Variants in ROR2 observed in about 807,000 individuals in gnomAD.
ROR2 encodes ROR family WNT receptor 2, also known as tyrosine-protein kinase transmembrane receptor ROR2.
Under a neutral mutation model 74.9 loss-of-function variants are expected in ROR2, and 33 were observed. That is an observed-to-expected ratio of 0.44 (90% CI 0.33 to 0.59). The LOEUF (loss-of-function observed/expected upper bound fraction) is 0.59. Among genes scored for constraint, ROR2 ranks in the 20% least tolerant of loss-of-function variants. ROR2 has a pLI of 0.02. For missense variants in ROR2, 1,216 were observed against 1,313.8 expected, an observed-to-expected ratio of 0.93 and a Z score of 1.15; for synonymous variants, 586 against 558.7, an observed-to-expected ratio of 1.05 and a Z score of -0.69.
At chr9:91,760,958 T>C (rs1825896281) in intron 2 of ROR2, among the ~76,000 whole-genome samples, 1 of 152,226 alleles carries the variant, frequency 6.6e-6, no homozygotes, top group Non-Finnish European at 1.5e-5. Context: ...ATTATTTCTG[T>C]CTAAATGACT....
intron 1 of ROR2, among the ~76,000 whole-genome samples, chr9:91,818,145 G>A (rs1241310140): frequency 1.3e-5 from 2 of 152,164 alleles, no homozygotes; most frequent in African/African-American, 2.4e-5. Context: ...CAGCCTCAAA[G>A]TTTGACTTCT....
chr9:91,750,320 C>A (rs890687736), intron 4 of ROR2, among the ~76,000 whole-genome samples: 1 of 152,200 alleles, frequency 6.6e-6, no homozygotes, highest in Non-Finnish European at 1.5e-5. Context: ...AGCCACTGTT[C>A]CCAGGGAAAA....
chr9:91,766,863 T>C (rs1826072653), intron 2 of ROR2, among the ~76,000 whole-genome samples: 2 of 152,166 alleles, frequency 1.3e-5, no homozygotes, highest in African/African-American at 4.8e-5. Flanking sequence ...TCCCTTTTAA[T>C]TGAACCAAAA....
rs899711661 is a variant in ROR2 at position 91,723,282 on chromosome 9, C to T, written c.*380G>A. 4.9e-6 allele frequency: 1 copy of T among 205,690 alleles called. No individual in the cohort carries two copies. 12.7% of individuals were successfully genotyped at this position (205,690 alleles called of 1,614,324 possible). A position where few individuals can be genotyped will look rare whatever the true frequency, so the allele number is the denominator to read the frequency against. ...GCCTCCTCGCTGCCTTTTGCAGGCC[C>T]TTATTCCCAACGTTTTGAAATATTC... On this transcript the variant is annotated 3_prime_UTR_variant, in exon 9 of 9. Coordinates refer to ENST00000375708, the MANE Select transcript of ROR2 (RefSeq NM_004560.4).
At chr9:91,833,103 C>CA (rs1262460337) in intron 1 of ROR2, among the ~76,000 whole-genome samples, 3 of 152,152 alleles carry the variant, frequency 2.0e-5, no homozygotes, top group Admixed American at 6.5e-5. Flanking sequence ...GGCTGAGAGA[C>CA]AAAACACCCA....
At chr9:91,910,953 C>T (rs1171989695) in intron 1 of ROR2, among the ~76,000 whole-genome samples, 3 of 152,168 alleles carry the variant, frequency 2.0e-5, no homozygotes, top group South Asian at 2.1e-4. Flanking sequence ...CGTTAGCCAC[C>T]GCGCCCAGCC....
intron 1 of ROR2, among the ~76,000 whole-genome samples, chr9:91,831,385 G>A (rs1406432241): frequency 6.6e-6 from 1 of 152,144 alleles, no homozygotes; most frequent in Non-Finnish European, 1.5e-5. Flanking sequence ...TATCTTCTTG[G>A]AAGGGACCAG....
chr9:91,817,544 C>T (rs1587747856), intron 1 of ROR2, among the ~76,000 whole-genome samples: 1 of 152,196 alleles, frequency 6.6e-6, no homozygotes, highest in South Asian at 2.1e-4. Context: ...CACCTGTGCA[C>T]GTCTCCTCCG....
chr9:91,785,630 G>A (rs975570964), intron 1 of ROR2, among the ~76,000 whole-genome samples: 1 of 152,214 alleles, frequency 6.6e-6, no homozygotes, highest in Non-Finnish European at 1.5e-5. Context: ...TGAAGGCTGG[G>A]GCCAGGACTC....
chr9:91,752,219 G>C (rs2118820015), intron 4 of ROR2, among the ~76,000 whole-genome samples: 1 of 152,308 alleles, frequency 6.6e-6, no homozygotes, highest in South Asian at 2.1e-4. Flanking sequence ...CTATAATGCA[G>C]CAATTCTACG....
chr9:91,900,882 A>G (rs1830661334), intron 1 of ROR2, among the ~76,000 whole-genome samples: 1 of 152,280 alleles, frequency 6.6e-6, no homozygotes, highest in African/African-American at 2.4e-5. Context: ...TTAATTAAAA[A>G]GAGCAACTAG....
At chr9:91,827,709 C>T (rs911890010) in intron 1 of ROR2, among the ~76,000 whole-genome samples, 2 of 152,180 alleles carry the variant, frequency 1.3e-5, no homozygotes, top group African/African-American at 2.4e-5. Context: ...ATGTACAGAT[C>T]GATCAGCAGT....
At chr9:91,855,673 T>C (rs1829258169) in intron 1 of ROR2, among the ~76,000 whole-genome samples, 1 of 152,192 alleles carries the variant, frequency 6.6e-6, no homozygotes, top group African/African-American at 2.4e-5. Context: ...CTTCCTCCTC[T>C]GGCTGCTGGT....
chr9:91,790,224 G>A (rs987550504), intron 1 of ROR2, among the ~76,000 whole-genome samples: 3 of 151,960 alleles, frequency 2.0e-5, no homozygotes, highest in South Asian at 2.1e-4. Context: ...AGCACAGGCC[G>A]GGCACAGTGG....
At chr9:91,803,808 A>C (rs1354306884) in intron 1 of ROR2, among the ~76,000 whole-genome samples, 1 of 152,218 alleles carries the variant, frequency 6.6e-6, no homozygotes, top group Non-Finnish European at 1.5e-5. Context: ...CCGACAGCTT[A>C]TACTTTCCAG....
chr9:91,866,890 A>G (rs1337712325), intron 1 of ROR2, among the ~76,000 whole-genome samples: 1 of 152,168 alleles, frequency 6.6e-6, no homozygotes, highest in African/African-American at 2.4e-5. Context: ...TGGGGAGAAA[A>G]TGGAAAGGAT....
intron 1 of ROR2, among the ~76,000 whole-genome samples, chr9:91,947,343 T>C (rs1832036936): frequency 6.6e-6 from 1 of 152,228 alleles, no homozygotes; most frequent in African/African-American, 2.4e-5. Flanking sequence ...TGACATGCTT[T>C]ATGAAGTGGA....
intron 8 of ROR2, among the ~76,000 whole-genome samples, chr9:91,726,261 G>C (rs546503582): frequency 2.6e-5 from 4 of 152,348 alleles, no homozygotes; most frequent in African/African-American, 9.6e-5. Context: ...CACCTGGACA[G>C]TGAGGACACT....
At chr9:91,853,880 G>C (rs1021043719) in intron 1 of ROR2, among the ~76,000 whole-genome samples, 2 of 152,214 alleles carry the variant, frequency 1.3e-5, no homozygotes, top group Admixed American at 6.5e-5. Flanking sequence ...GCTGTGAGCA[G>C]AGTGAGGGTG....
Sources: gnomAD v4.1 joint callset for allele counts (sites outside exome capture counted in the v4.1 genomes callset) on GRCh38, gnomAD v4.1.1 for gene constraint, MANE v1.5 for transcripts, NCBI Gene and HGNC (gene_info 2026-07-23, HGNC 2026-07-21) for gene names.